PPM1H: variants seen among roughly 807,000 people sequenced by gnomAD.
PPM1H encodes protein phosphatase, Mg2+/Mn2+ dependent 1H, also known as protein phosphatase 1H.
In PPM1H, 27 loss-of-function variants were observed where a neutral mutation model predicts 54.9. The observed-to-expected ratio is 0.49, with a 90% CI of 0.36 to 0.68. The LOEUF (loss-of-function observed/expected upper bound fraction) is 0.68, where lower values mean the gene tolerates loss of function less well. PPM1H is among the 30% of genes least tolerant of loss of function. The pLI, the probability that PPM1H is intolerant of heterozygous loss-of-function variation, is 0.00. For missense variants in PPM1H, 596 were observed against 667.8 expected (o/e 0.89, Z 1.19); for synonymous variants, 305 against 270.8 (o/e 1.13, Z -1.24).
At chr12:62,760,256 A>C (rs1024005470) in intron 4 of PPM1H, among the ~76,000 whole-genome samples, 2 of 152,058 alleles carry the variant, frequency 1.3e-5, no homozygotes, top group African/African-American at 4.8e-5. Flanking sequence ...TCTTTTACAC[A>C]TTGGTTCCTC....
intron 4 of PPM1H, among the ~76,000 whole-genome samples, chr12:62,775,614 T>A (rs868800446): frequency 7.5e-5 from 11 of 145,782 alleles, no homozygotes; most frequent in African/African-American, 2.9e-4. Flanking sequence ...TATAAATGAG[T>A]GTGTACACAC....
chr12:62,832,423 T>C, intron 1 of PPM1H, 144 bp from the exon 2 acceptor site: 1 of 754,862 alleles, frequency 1.3e-6, no homozygotes, highest in Non-Finnish European at 2.1e-6. Context: ...GGTCTTGGTA[T>C]TTTATGTTCC....
intron 4 of PPM1H, among the ~76,000 whole-genome samples, chr12:62,739,778 T>C (rs1191832804): frequency 6.6e-6 from 1 of 152,250 alleles, no homozygotes; most frequent in Non-Finnish European, 1.5e-5. Flanking sequence ...TAGAAGAAAC[T>C]GTTCCTTGAA....
intron 7 of PPM1H, among the ~76,000 whole-genome samples, chr12:62,691,524 G>A (rs1326123410): frequency 6.6e-6 from 1 of 152,080 alleles, no homozygotes; most frequent in Non-Finnish European, 1.5e-5. Flanking sequence ...GGTCAGAGGG[G>A]ATAAAGACAC....
chr12:62,912,779 T>G (rs989262133), intron 1 of PPM1H, among the ~76,000 whole-genome samples: 15 of 152,134 alleles, frequency 9.9e-5, no homozygotes, highest in Non-Finnish European at 1.8e-4. Context: ...TACAAGAGAA[T>G]TTTATTAACA....
At chr12:62,807,931 A>C (rs906086863) in intron 2 of PPM1H, among the ~76,000 whole-genome samples, 29 of 152,320 alleles carry the variant, frequency 1.9e-4, no homozygotes, top group African/African-American at 7.0e-4. Flanking sequence ...TCAACCTCCC[A>C]GGCTCAAATG....
At chr12:62,750,082 A>G (rs932167849) in intron 4 of PPM1H, among the ~76,000 whole-genome samples, 13 of 151,186 alleles carry the variant, frequency 8.6e-5, no homozygotes, top group Non-Finnish European at 1.5e-4. Flanking sequence ...AAAAAAAAAA[A>G]AGAGGTCTAT....
At chr12:62,719,887 T>C (rs191911863) in intron 6 of PPM1H, among the ~76,000 whole-genome samples, 22 of 152,352 alleles carry the variant, frequency 1.4e-4, no homozygotes, top group Admixed American at 1.0e-3. Flanking sequence ...CATGTGTTTT[T>C]AAAGCCCTCA....
chr12:62,679,193 G>C (rs377576868), intron 8 of PPM1H, among the ~76,000 whole-genome samples: 2 of 151,738 alleles, frequency 1.3e-5, no homozygotes, highest in Admixed American at 6.6e-5. Context: ...CACCATGTTG[G>C]CCAGGATGGT....
chr12:62,754,879 CTTG>C (rs563294199), intron 4 of PPM1H, among the ~76,000 whole-genome samples: 15 of 152,182 alleles, frequency 9.9e-5, no homozygotes, highest in African/African-American at 1.7e-4. Context: ...CCATGAGACA[CTTG>C]TTGTGATTCA....
rs181644527 is a variant in PPM1H, at chr12:62,701,378, C to T, written c.1074-7379G>A. On this transcript the variant is annotated intron_variant, in intron 6 of 9. Transcript: ENST00000228705. ...ATGCAGCCACACCGAAGCCCTTTTA[C>T]CCTAATGAGCAGCAGTTATAGGACT... is the stretch of plus-strand genomic sequence containing the variant. Among the ~76,000 whole-genome samples, 97 of 152,300 alleles carry T rather than the reference C, an allele frequency of 6.4e-4. 1 individual carries two copies. The highest frequency in any genetic ancestry group is 2.2e-3 in the African/African-American group (91 of 41,562).
In PPM1H at chr12:62,827,425, C is replaced by T. The variant is rs183513574; in HGVS notation, c.411+4689G>A. Among the ~76,000 whole-genome samples the T allele has an allele frequency of 3.5e-4, 53 of 152,286 alleles. 1 individual carries two copies. The highest frequency in any genetic ancestry group is 2.6e-3 in the Admixed American group (40 of 15,300). On this transcript the variant is annotated intron_variant, in intron 2 of 9. Transcript: ENST00000228705. ...TTCTCACCCATATTTCTGCATGAGC[C>T]TCCTAACTAGCATCCCAGCCTCTAG...
At chr12:62,664,947 C>G (rs914568569) in intron 9 of PPM1H, among the ~76,000 whole-genome samples, 2 of 147,776 alleles carry the variant, frequency 1.4e-5, no homozygotes, top group African/African-American at 2.5e-5. Flanking sequence ...GCACCGTTTA[C>G]TTTTGAAAGT....
chr12:62,926,727 G>A (rs1488958266), intron 1 of PPM1H, among the ~76,000 whole-genome samples: 1 of 152,166 alleles, frequency 6.6e-6, no homozygotes, highest in Non-Finnish European at 1.5e-5. Flanking sequence ...GGCCGAGGTG[G>A]GCGGATCACC....
chr12:62,696,852 T>C (rs1328906180), intron 6 of PPM1H, among the ~76,000 whole-genome samples: 1 of 152,200 alleles, frequency 6.6e-6, no homozygotes, highest in East Asian at 1.9e-4. Context: ...ACTTGGACTT[T>C]TCCGGAAAAC....
At chr12:62,814,433 G>A (rs943164696) in intron 2 of PPM1H, among the ~76,000 whole-genome samples, 1 of 151,932 alleles carries the variant, frequency 6.6e-6, no homozygotes, top group African/African-American at 2.4e-5. Context: ...CCCAGGCTGG[G>A]TCTCAAACTC....
intron 1 of PPM1H, among the ~76,000 whole-genome samples, chr12:62,871,759 G>T (rs7312508): frequency 0.18 from 27,895 of 151,894 alleles, 2,785 homozygotes; most frequent in African/African-American, 0.27. Flanking sequence ...CAAGCAATCC[G>T]CCCTCCTTGG....
At chr12:62,793,122 G>A (rs1418723901) in intron 3 of PPM1H, among the ~76,000 whole-genome samples, 5 of 152,070 alleles carry the variant, frequency 3.3e-5, no homozygotes, top group African/African-American at 1.2e-4. Context: ...AATGAACCCC[G>A]AGCCCTGTGT....
Position 62,647,146 on chromosome 12 carries a change from A to AGAT in PPM1H, c.*1340_*1342dup. ...TCCTCCCAGCAGAGAAGCAGCAGGT[A>AGAT]GATATGGCATGCACTGTGCCTGCTG... On this transcript the variant is annotated 3_prime_UTR_variant, in exon 10 of 10. Coordinates refer to ENST00000228705, the MANE Select transcript of PPM1H (RefSeq NM_020700.2). 1 of 152,336 alleles carries AGAT rather than the reference A, an allele frequency of 6.6e-6. No individual in the cohort carries two copies. Among genetic ancestry groups the AGAT allele is most frequent in the Middle Eastern group, 3.4e-3 (1 of 294 alleles). The allele number at this position is 152,336 out of a possible 1,614,324, so 9.4% of individuals were successfully genotyped here.
Sources: gnomAD v4.1 joint callset for allele counts (sites outside exome capture counted in the v4.1 genomes callset) on GRCh38, gnomAD v4.1.1 for gene constraint, MANE v1.5 for transcripts, NCBI Gene and HGNC (gene_info 2026-07-23, HGNC 2026-07-21) for gene names.